Variants in RGS12 observed in about 807,000 individuals in gnomAD.
The protein encoded by RGS12 is regulator of G-protein signaling 12.
In RGS12, 66 loss-of-function variants were observed where a neutral mutation model predicts 120.1. The observed-to-expected ratio is 0.55, with a 90% CI of 0.45 to 0.67. The LOEUF (loss-of-function observed/expected upper bound fraction) is 0.67. RGS12 is among the 30% of genes least tolerant of loss of function. The pLI, the probability that RGS12 is intolerant of heterozygous loss-of-function variation, is 0.00. For missense variants in RGS12, 1,859 were observed against 1,957.7 expected (o/e 0.95, Z 0.95); for synonymous variants, 827 against 804.7 (o/e 1.03, Z -0.47).
At chr4:3,394,314 C>T (rs962043132) in intron 4 of RGS12, among the ~76,000 whole-genome samples, 2 of 152,104 alleles carry the variant, frequency 1.3e-5, no homozygotes, top group African/African-American at 4.8e-5. Context: ...AGATGTACAC[C>T]ACCACGCCTG....
At position 3,374,197 on chromosome 4, in the gene RGS12, T is replaced by G. The variant is rs1473506381; in HGVS notation, c.1999-12219T>G. Among the ~76,000 whole-genome samples the G allele has an allele frequency of 6.6e-6, 1 of 152,248 alleles. No homozygotes were observed. The highest frequency in any genetic ancestry group is 1.5e-5 in the Non-Finnish European group (1 of 68,034). Reference sequence around the variant, plus strand: ...GCAACGCTTGCCATCCTACGCATGATGCAGGGACCCCGGCCCTCCGCAGAC... The same window carrying G: ...GCAACGCTTGCCATCCTACGCATGAGGCAGGGACCCCGGCCCTCCGCAGAC... On this transcript the variant is annotated intron_variant, in intron 3 of 17. Transcript: ENST00000336727. The surrounding 1 kb of genome is among the most constrained non-coding windows in gnomAD (Gnocchi z 6.3).
intron 2 of RGS12, among the ~76,000 whole-genome samples, chr4:3,335,865 C>T (rs575565119): frequency 3.8e-4 from 58 of 152,032 alleles, no homozygotes; most frequent in Non-Finnish European, 6.6e-4. Context: ...CAAGGCAGGC[C>T]GATCATTTGA....
chr4:3,302,854 G>C (rs1050630516), intron 1 of RGS12, among the ~76,000 whole-genome samples: 10 of 152,112 alleles, frequency 6.6e-5, no homozygotes, highest in African/African-American at 2.2e-4. Context: ...CCCGTTTCAA[G>C]AGAGAGTGAT....
intron 16 of RGS12, among the ~76,000 whole-genome samples, chr4:3,429,568 G>C (rs913603750): frequency 2.0e-5 from 3 of 152,196 alleles, no homozygotes; most frequent in Non-Finnish European, 4.4e-5. Flanking sequence ...TAAAAACTCC[G>C]AGTATAATTC....
intron 1 of RGS12, among the ~76,000 whole-genome samples, chr4:3,294,350 G>T (rs71608266): frequency 6.6e-6 from 1 of 152,248 alleles, no homozygotes; most frequent in Non-Finnish European, 1.5e-5. Flanking sequence ...GGCAGCAAGG[G>T]CTGCTGGGGT....
intron 1 of RGS12, among the ~76,000 whole-genome samples, chr4:3,309,638 C>A (rs1724219954): frequency 8.6e-6 from 1 of 115,906 alleles, no homozygotes; most frequent in Non-Finnish European, 1.7e-5. Context: ...CTGAGGGGAA[C>A]CGTGTGGGGG....
intron 3 of RGS12, among the ~76,000 whole-genome samples, chr4:3,381,556 G>A (rs1054310982): frequency 2.0e-5 from 3 of 152,202 alleles, no homozygotes; most frequent in African/African-American, 4.8e-5. Flanking sequence ...AAGCAAACAC[G>A]TCCTTCTTCA....
At chr4:3,373,007 C>T (rs370374361) in intron 3 of RGS12, among the ~76,000 whole-genome samples, 3 of 152,194 alleles carry the variant, frequency 2.0e-5, no homozygotes, top group East Asian at 3.8e-4. Flanking sequence ...GTGCAGTCTG[C>T]GGCCCGGCGT....
At chr4:3,344,524 G>A (rs963842320) in intron 3 of RGS12, among the ~76,000 whole-genome samples, 1 of 152,220 alleles carries the variant, frequency 6.6e-6, no homozygotes, top group African/African-American at 2.4e-5. Context: ...CTAGGTTTGG[G>A]CTGACAGAGC....
At chr4:3,305,170 C>T (rs1309229269) in intron 1 of RGS12, among the ~76,000 whole-genome samples, 1 of 152,224 alleles carries the variant, frequency 6.6e-6, no homozygotes, top group Non-Finnish European at 1.5e-5. Flanking sequence ...TGAGGGAGAG[C>T]ATGAGCGAGA....
At chr4:3,420,194 C>T (rs1053286792) in intron 9 of RGS12, among the ~76,000 whole-genome samples, 1 of 152,178 alleles carries the variant, frequency 6.6e-6, no homozygotes, top group African/African-American at 2.4e-5. Context: ...CGGCTGAGAG[C>T]GCTGGCTGTT....
At chr4:3,290,443 C>T (rs1722982988), upstream of RGS12, among the ~76,000 whole-genome samples, 1 of 152,170 alleles carries the variant, frequency 6.6e-6, no homozygotes, top group South Asian at 2.1e-4. Context: ...ACTCTAAGAA[C>T]CTCCTATAAG....
intron 3 of RGS12, among the ~76,000 whole-genome samples, chr4:3,360,885 A>G (rs897747961): frequency 1.3e-5 from 2 of 152,214 alleles, no homozygotes; most frequent in Non-Finnish European, 2.9e-5. Flanking sequence ...TTGAGTAGAC[A>G]TTTTACTACA....
chr4:3,438,213 C>T (rs1435088402), intron 17 of RGS12, among the ~76,000 whole-genome samples: 5 of 152,188 alleles, frequency 3.3e-5, no homozygotes, highest in Non-Finnish European at 7.4e-5. Flanking sequence ...TCAAGGCCTC[C>T]ACCCTGGCAT....
intron 3 of RGS12, among the ~76,000 whole-genome samples, chr4:3,368,399 GGTGCCTGTGTGTGTGTGA>G (rs1200335971): frequency 5.8e-5 from 8 of 138,770 alleles, no homozygotes; most frequent in African/African-American, 1.9e-4. Flanking sequence ...GTGTGTGTGG[GGTGCCTGTGTGTGTGTGA>G]GTGCCTGTGT....
rs76496238 is a variant in RGS12, at chr4:3,328,767, T to C, written c.1881+10716T>C. Among the ~76,000 whole-genome samples the C allele has an allele frequency of 6.3e-3, 956 of 152,310 alleles. 12 individuals carry two copies. Among genetic ancestry groups the C allele is most frequent in the African/African-American group, 0.022 (912 of 41,564 alleles). ...CTACGCAAAGTCAGCCGGAGCTGTGTTGGGAGTGTTGGTTTATAATTTTCT... is the reference window on the plus strand; with the variant it reads ...CTACGCAAAGTCAGCCGGAGCTGTGCTGGGAGTGTTGGTTTATAATTTTCT... On this transcript the variant is annotated intron_variant, in intron 2 of 17. Transcript: ENST00000336727.
At position 3,428,630 on chromosome 4, in the gene RGS12, C is replaced by A. The variant is rs775199176; in HGVS notation, c.3484C>A (p.Pro1162Thr). The change falls in exon 16 of 18, where the codon CCC becomes ACC. Residue 1162 changes from proline (P) to threonine (T), a missense_variant. Physicochemically the swap from Pro to Thr is conservative, Grantham distance 38. This residue lies in a region of RGS12 where 517 missense variants were observed against 488.5 expected (regional missense o/e 1.06). Coordinates refer to ENST00000336727, the MANE Select transcript of RGS12 (RefSeq NM_001394154.1). The part of the protein sequence containing the change: ...KGENGKNARD[P>T]RLSKREESIA... Reference sequence around the variant, plus strand: ...AGAAAATGGAAAAAATGCTAGGGATCCCCGGCTTTCAAAGAGAGAAGAATC... The same window carrying A: ...AGAAAATGGAAAAAATGCTAGGGATACCCGGCTTTCAAAGAGAGAAGAATC... 16 of 1,604,708 alleles carry A rather than the reference C, an allele frequency of 1.0e-5. No individual in the cohort carries two copies. Among genetic ancestry groups the A allele is most frequent in the Non-Finnish European group, 1.4e-5 (16 of 1,176,316 alleles).
chr4:3,310,217 G>A (rs1724295649), intron 1 of RGS12, among the ~76,000 whole-genome samples: 1 of 147,530 alleles, frequency 6.8e-6, no homozygotes, highest in Non-Finnish European at 1.5e-5. Flanking sequence ...CCGCTGAGGG[G>A]AACCGTGTGG....
At chr4:3,376,036 G>A (rs1717650604) in intron 3 of RGS12, among the ~76,000 whole-genome samples, 1 of 152,234 alleles carries the variant, frequency 6.6e-6, no homozygotes, top group Admixed American at 6.5e-5. Context: ...GTTATGGTGT[G>A]ACAAGGAGGA....
Sources: gnomAD v4.1 joint callset for allele counts (sites outside exome capture counted in the v4.1 genomes callset) on GRCh38, gnomAD v4.1.1 for gene constraint, gnomAD v4.1.1 regional missense constraint, Gnocchi (gnomAD v3.1) non-coding constraint, MANE v1.5 for transcripts, NCBI Gene and HGNC (gene_info 2026-07-23, HGNC 2026-07-21) for gene names.